Variants in CHEK1 observed in about 807,000 individuals in gnomAD.
The protein encoded by CHEK1 is checkpoint kinase 1.
CHEK1 carries 32 observed loss-of-function variants against 60.2 expected under a neutral mutation model. The ratio of observed to expected loss-of-function variants is 0.53; its 90% CI spans 0.40 to 0.71. The LOEUF (loss-of-function observed/expected upper bound fraction) is 0.71. Among genes scored for constraint, CHEK1 ranks in the 30% least tolerant of loss-of-function variants. The pLI is 0.00. For synonymous variants in CHEK1, 179 were observed against 187.2 expected (o/e 0.96, Z 0.36); for missense variants, 399 against 564.6 (o/e 0.71, Z 2.97).
intron 13 of CHEK1, among the ~76,000 whole-genome samples, chr11:125,666,668 G>A (rs185656641): frequency 6.6e-6 from 1 of 151,982 alleles, no homozygotes; most frequent in Non-Finnish European, 1.5e-5. Context: ...ATATATTTAG[G>A]TGCTATGGTG....
At chr11:125,678,403 A>C (rs1405701976), downstream of CHEK1, 2 of 1,364,458 alleles carry the variant, frequency 1.5e-6, no homozygotes, top group Non-Finnish European at 2.0e-6. Flanking sequence ...TAGGTTTCCT[A>C]TGGGCCTAGA....
chr11:125,663,898 A>G (rs1437429898), intron 13 of CHEK1, among the ~76,000 whole-genome samples: 1 of 152,206 alleles, frequency 6.6e-6, no homozygotes, highest in Non-Finnish European at 1.5e-5. Flanking sequence ...CAGTTATCAC[A>G]GCATCATTTA....
downstream of CHEK1, among the ~76,000 whole-genome samples, chr11:125,657,393 C>T (rs1010926438): frequency 1.3e-5 from 2 of 152,130 alleles, no homozygotes; most frequent in Non-Finnish European, 2.9e-5. Flanking sequence ...TTAACCACAA[C>T]TCAATTGTAG....
intron 5 of CHEK1, among the ~76,000 whole-genome samples, chr11:125,630,436 G>A (rs773753928): frequency 6.6e-6 from 1 of 151,602 alleles, no homozygotes; most frequent in Non-Finnish European, 1.5e-5. Context: ...TTAGGCCCCT[G>A]AGTAGCTGGG....
chr11:125,634,042 C>T (rs1000164198), intron 6 of CHEK1, among the ~76,000 whole-genome samples: 6 of 149,456 alleles, frequency 4.0e-5, no homozygotes, highest in East Asian at 2.0e-4. Flanking sequence ...CTGTCACCCA[C>T]GCTGGAGTAC....
At chr11:125,631,861 CAAAAAAAAAAAAAAAA>C (rs57281904) in intron 5 of CHEK1, among the ~76,000 whole-genome samples, 5 of 51,356 alleles carry the variant, frequency 9.7e-5, no homozygotes, top group South Asian at 1.4e-3. Context: ...GACACTTTCT[CAAAAAAAAAAAAAAAA>C]AAAAAAAAAA....
In CHEK1 at chr11:125,626,390, C is replaced by T. The variant is rs534252273; in HGVS notation, c.-20-359C>T. The T allele has an allele frequency of 2.5e-4, 107 of 431,430 alleles. No homozygotes were observed. The South Asian group carries it at 3.7e-3, about 15-fold the overall frequency. 26.7% of individuals were successfully genotyped at this position (431,430 alleles called of 1,614,324 possible). ...AGGCGTTTTCTGCCCCATACCGCTC[C>T]CTATATCCTCTTCCTCTCTTCCCCA... On this transcript the variant is annotated intron_variant, in intron 1 of 12. Coordinates refer to ENST00000438015, the MANE Select transcript of CHEK1 (RefSeq NM_001114122.3).
chr11:125,669,522 C>CTTT lies in CHEK1; in HGVS notation c.*28-6389_*28-6387dup, dbSNP rs67333022. 6.6e-4 allele frequency among the ~76,000 whole-genome samples: 76 copies of CTTT among 114,686 alleles called. 1 individual carries two copies. The highest frequency in any genetic ancestry group is 1.0e-3 in the East Asian group (4 of 3,870). The allele number at this position is 114,686 out of a possible 152,430, so 75.2% of individuals were successfully genotyped here. ...ATATTTCTTTTTCTTTTCTTTTTTCCTTTTTTTTTTTTTTTTTTTGTGATG... is the reference window on the plus strand; with the variant it reads ...ATATTTCTTTTTCTTTTCTTTTTTCCTTTTTTTTTTTTTTTTTTTTTTGTGATG... On this transcript the variant is annotated intron_variant, in intron 13 of 13. Transcript: ENST00000428830.
In CHEK1 at chr11:125,672,498, T is replaced by C. The variant is rs573500394; in HGVS notation, c.*28-3430T>C. 1.9e-5 allele frequency: 28 copies of C among 1,465,220 alleles called. No homozygotes were observed. In the South Asian group the frequency reaches 3.3e-4, roughly 17 times the overall value. The allele number at this position is 1,465,220 out of a possible 1,614,324, so 90.8% of individuals were successfully genotyped here. A position where few individuals can be genotyped will look rare whatever the true frequency, so the allele number is the denominator to read the frequency against. On this transcript the variant is annotated intron_variant, in intron 13 of 13. Coordinates refer to the CHEK1 transcript ENST00000428830. ...CTCAGGCAGAGGCAGATGTGGTCAG[T>C]TGTTGACTGGGGAAGGAACTAAATA...
At position 125,625,786 on chromosome 11, in the gene CHEK1, T is replaced by C; in HGVS notation, c.-247T>C. ...ATGCGGTCCGCCGTCCTTAAATCTC[T>C]TCAGCCAGGATCTCTCCCCGACTGC... On this transcript the variant is annotated 5_prime_UTR_variant, in exon 1 of 13. Transcript: ENST00000438015. The C allele has an allele frequency of 2.9e-6, 2 of 698,950 alleles. No individual in the cohort carries two copies. The highest frequency in any genetic ancestry group is 5.2e-6 in the Non-Finnish European group (2 of 381,994). 43.3% of individuals were successfully genotyped at this position (698,950 alleles called of 1,614,324 possible). A position where few individuals can be genotyped will look rare whatever the true frequency, so the allele number is the denominator to read the frequency against.
intron 13 of CHEK1, among the ~76,000 whole-genome samples, chr11:125,670,630 G>A (rs1942184652): frequency 6.6e-6 from 1 of 152,040 alleles, no homozygotes; most frequent in Admixed American, 6.6e-5. Context: ...AAATTTAGGG[G>A]CTTCTCTGTG....
chr11:125,643,707 A>G, intron 8 of CHEK1, 85 bp from the exon 9 acceptor site: 1 of 949,660 alleles, frequency 1.1e-6, no homozygotes, highest in Non-Finnish European at 1.6e-6. Context: ...ACATAGTTTT[A>G]CTTCTTCAAG....
chr11:125,674,460 A>T (rs1482174603), intron 13 of CHEK1, among the ~76,000 whole-genome samples: 1 of 152,216 alleles, frequency 6.6e-6, no homozygotes, highest in African/African-American at 2.4e-5. Context: ...TGAAAACATG[A>T]AACTGTTCAG....
chr11:125,679,972 A>G (rs1942720252), downstream of CHEK1, among the ~76,000 whole-genome samples: 1 of 152,212 alleles, frequency 6.6e-6, no homozygotes, highest in African/African-American at 2.4e-5. Context: ...TAGAAAGGAG[A>G]CATAAAAAGC....
intron 8 of CHEK1, among the ~76,000 whole-genome samples, chr11:125,639,335 C>A (rs1355773471): frequency 6.7e-6 from 1 of 149,522 alleles, no homozygotes; most frequent in South Asian, 2.1e-4. Flanking sequence ...TTCCCCACAT[C>A]TTTCTCTGTC....
intron 13 of CHEK1, among the ~76,000 whole-genome samples, chr11:125,665,194 T>G (rs1942077325): frequency 6.6e-6 from 1 of 151,900 alleles, no homozygotes; most frequent in Non-Finnish European, 1.5e-5. Context: ...TAGTATAATT[T>G]GAAGTCAGGT....
At chr11:125,678,417 G>T, downstream of CHEK1, 1 of 1,200,608 alleles carries the variant, frequency 8.3e-7, no homozygotes. Flanking sequence ...GCCTAGATTG[G>T]GCACCTGAAG....
intron 11 of CHEK1, among the ~76,000 whole-genome samples, chr11:125,651,095 C>G (rs1941709890): frequency 6.6e-6 from 1 of 152,006 alleles, no homozygotes; most frequent in Admixed American, 6.6e-5. Context: ...GAGTCCTATT[C>G]CCCAGAAACA....
At chr11:125,678,978 T>TTATATATATATA (rs10522682), downstream of CHEK1, among the ~76,000 whole-genome samples, 106 of 88,428 alleles carry the variant, frequency 1.2e-3, 2 homozygotes, top group South Asian at 2.2e-3. Flanking sequence ...TCTAGGCATA[T>TTATATATATATA]TATATATATA....
Sources: gnomAD v4.1 joint callset for allele counts (sites outside exome capture counted in the v4.1 genomes callset) on GRCh38, gnomAD v4.1.1 for gene constraint, MANE v1.5 for transcripts, NCBI Gene and HGNC (gene_info 2026-07-23, HGNC 2026-07-21) for gene names.